EPHA6: variants seen among roughly 807,000 people sequenced by gnomAD.
EPHA6 encodes EPH receptor A6.
EPHA6 carries 50 observed loss-of-function variants against 112.0 expected under a neutral mutation model. The observed-to-expected ratio is 0.45, with a 90% CI of 0.36 to 0.56. The LOEUF (loss-of-function observed/expected upper bound fraction) is 0.56, where lower values mean the gene tolerates loss of function less well. EPHA6 is among the 20% of genes least tolerant of loss of function. The pLI, the probability that EPHA6 is intolerant of heterozygous loss-of-function variation, is 0.00. For missense variants in EPHA6, 1,280 were observed against 1,417.4 expected, an observed-to-expected ratio of 0.90 and a Z score of 1.56; for synonymous variants, 529 against 490.7, an observed-to-expected ratio of 1.08 and a Z score of -1.03.
intron 2 of EPHA6, among the ~76,000 whole-genome samples, chr3:96,918,685 T>G (rs1290764534): frequency 1.3e-5 from 2 of 152,068 alleles, no homozygotes; most frequent in Non-Finnish European, 2.9e-5. Flanking sequence ...ATTTCAAACT[T>G]GGGCTTTAAG....
At chr3:97,302,194 A>C (rs2081121660) in intron 5 of EPHA6, among the ~76,000 whole-genome samples, 1 of 152,032 alleles carries the variant, frequency 6.6e-6, no homozygotes, top group South Asian at 2.1e-4. Context: ...GGCTATTGAT[A>C]ATTTGGGCTG....
chr3:97,379,150 A>C (rs1237412145), intron 5 of EPHA6, among the ~76,000 whole-genome samples: 1 of 152,152 alleles, frequency 6.6e-6, no homozygotes, highest in Non-Finnish European at 1.5e-5. Context: ...CAAGGTAGTG[A>C]ATAAGTCTCA....
chr3:97,135,911 G>C (rs1264401714), intron 3 of EPHA6, among the ~76,000 whole-genome samples: 1 of 151,952 alleles, frequency 6.6e-6, no homozygotes, highest in Non-Finnish European at 1.5e-5. Flanking sequence ...CAGCAAGCAA[G>C]CTATGAGTGG....
In EPHA6 at chr3:97,752,044, C is replaced by T. The variant is rs1190298705; in HGVS notation, c.*3343C>T. On this transcript the variant is annotated 3_prime_UTR_variant, in exon 18 of 18. Coordinates refer to ENST00000389672, the MANE Select transcript of EPHA6 (RefSeq NM_001080448.3). ...ATTGCAAAATTTTGGTGGTTTAACACGAATCAAGAATTATAGCACTTTTGC... is the reference window on the plus strand; with the variant it reads ...ATTGCAAAATTTTGGTGGTTTAACATGAATCAAGAATTATAGCACTTTTGC... The T allele has an allele frequency of 9.0e-6, 2 of 222,574 alleles. No homozygotes were observed. Among genetic ancestry groups the T allele is most frequent in the Non-Finnish European group, 1.8e-5 (2 of 111,530 alleles). The allele number at this position is 222,574 out of a possible 1,614,324, so 13.8% of individuals were successfully genotyped here.
chr3:97,420,771 A>G (rs2088554151), intron 6 of EPHA6, among the ~76,000 whole-genome samples: 1 of 151,682 alleles, frequency 6.6e-6, no homozygotes. Context: ...AATCTTACTC[A>G]GAAGCATAGG....
chr3:97,188,519 C>A (rs898167020), intron 3 of EPHA6, among the ~76,000 whole-genome samples: 4 of 151,774 alleles, frequency 2.6e-5, no homozygotes, highest in Admixed American at 2.0e-4. Context: ...AGAAGAAAGG[C>A]TTCAACTGTA....
At chr3:97,150,534 A>C (rs1254140306) in intron 3 of EPHA6, among the ~76,000 whole-genome samples, 1 of 151,822 alleles carries the variant, frequency 6.6e-6, no homozygotes, top group Non-Finnish European at 1.5e-5. Context: ...CCTGTTCCTC[A>C]GTCCACTAAG....
At chr3:97,477,627 A>G (rs1254103008) in intron 8 of EPHA6, among the ~76,000 whole-genome samples, 5 of 152,182 alleles carry the variant, frequency 3.3e-5, no homozygotes, top group Non-Finnish European at 5.9e-5. Context: ...AAGAAAATCA[A>G]ATTGCCACTA....
At chr3:96,847,954 C>T (rs1415036738) in intron 1 of EPHA6, among the ~76,000 whole-genome samples, 6 of 152,164 alleles carry the variant, frequency 3.9e-5, no homozygotes, top group East Asian at 1.9e-4. Flanking sequence ...TGTTTTATAA[C>T]GTTCACAGTT....
intron 14 of EPHA6, among the ~76,000 whole-genome samples, chr3:97,645,216 G>A (rs1299868015): frequency 1.3e-5 from 2 of 149,296 alleles, no homozygotes; most frequent in South Asian, 4.3e-4. Flanking sequence ...ACATGCACAC[G>A]TATGTTTATT....
At chr3:97,219,434 C>T (rs2078128141) in intron 3 of EPHA6, among the ~76,000 whole-genome samples, 1 of 152,200 alleles carries the variant, frequency 6.6e-6, no homozygotes, top group Admixed American at 6.5e-5. Context: ...TAGAAGCTCC[C>T]AAGCCTCAGT....
rs187469145 is a variant in EPHA6 at position 96,820,220 on chromosome 3, T to G, written c.385+5212T>G. On this transcript the variant is annotated intron_variant, in intron 1 of 17. Coordinates refer to ENST00000389672, the MANE Select transcript of EPHA6 (RefSeq NM_001080448.3). ...TAGTCGGGAACCAGAGTCCTCAGAG[T>G]AGAATAAGATTCATGTTAAGAAACT... Among the ~76,000 whole-genome samples, 119 of 152,066 alleles carry G rather than the reference T, an allele frequency of 7.8e-4. 1 individual carries two copies. The highest frequency in any genetic ancestry group is 2.7e-3 in the African/African-American group (113 of 41,488).
At chr3:97,009,429 G>A (rs1372353824) in intron 3 of EPHA6, among the ~76,000 whole-genome samples, 1 of 152,234 alleles carries the variant, frequency 6.6e-6, no homozygotes, top group Non-Finnish European at 1.5e-5. Context: ...GTGGGGACAA[G>A]TCTTGGGACC....
At chr3:97,466,239 T>C in intron 7 of EPHA6, 1 of 970,834 alleles carries the variant, frequency 1.0e-6, no homozygotes, top group Non-Finnish European at 1.6e-6. Flanking sequence ...AGGCTGTGTT[T>C]ATCATCAAAA....
rs202091909 is a variant in EPHA6, at chr3:96,945,699, GA to G, written c.451-41624del. Among the ~76,000 whole-genome samples, 948 of 151,696 alleles carry G rather than the reference GA, an allele frequency of 6.2e-3. 5 individuals carry two copies. Among genetic ancestry groups the G allele is most frequent in the Middle Eastern group, 0.014 (4 of 294 alleles). On this transcript the variant is annotated intron_variant, in intron 2 of 17. Transcript: ENST00000389672. The stretch of plus-strand genomic sequence containing the variant: ...CAGATTTACATTATAATTAAATGAT[GA>G]AAAAAATATATATATATCTGTGAAT...
At chr3:97,650,338 T>C (rs1200473621) in intron 14 of EPHA6, among the ~76,000 whole-genome samples, 2 of 152,092 alleles carry the variant, frequency 1.3e-5, no homozygotes, top group African/African-American at 2.4e-5. Context: ...TGGCAGATGT[T>C]AAGCATATGA....
chr3:96,883,198 A>G (rs1376196856), intron 2 of EPHA6, among the ~76,000 whole-genome samples: 1 of 151,906 alleles, frequency 6.6e-6, no homozygotes, highest in African/African-American at 2.4e-5. Context: ...GCATTTTTTC[A>G]TATGTTTGTT....
In EPHA6 at chr3:97,756,686, C is replaced by T. The variant is rs1044126906; in HGVS notation, c.*7985C>T. On this transcript the variant is annotated 3_prime_UTR_variant, in exon 18 of 18. Transcript: ENST00000389672. ...TGATAAAATTTTATGGTTTTTAGGC[C>T]TCTTAGAGTAAAAAAAATCAAAATG... 3.3e-5 allele frequency among the ~76,000 whole-genome samples: 5 copies of T among 151,576 alleles called. No individual in the cohort carries two copies. The South Asian group carries it at 8.3e-4, about 25-fold the overall frequency.
chr3:97,476,414 A>C (rs193137436), intron 8 of EPHA6, among the ~76,000 whole-genome samples: 1 of 152,242 alleles, frequency 6.6e-6, no homozygotes, highest in Admixed American at 6.5e-5. Context: ...ACTCCAGCTA[A>C]AGTACACCAA....
Sources: gnomAD v4.1 joint callset for allele counts (sites outside exome capture counted in the v4.1 genomes callset) on GRCh38, gnomAD v4.1.1 for gene constraint, MANE v1.5 for transcripts, NCBI Gene and HGNC (gene_info 2026-07-23, HGNC 2026-07-21) for gene names.